Variants in ARSG observed in about 807,000 individuals in gnomAD.
ARSG encodes the protein ASG.
ARSG carries 37 observed loss-of-function variants against 50.5 expected under a neutral mutation model. The ratio of observed to expected loss-of-function variants is 0.73; its 90% CI spans 0.56 to 0.96. The LOEUF (loss-of-function observed/expected upper bound fraction) is 0.96, where lower values mean the gene tolerates loss of function less well. Among genes scored for constraint, ARSG ranks in the 50% least tolerant of loss-of-function variants. The probability of loss-of-function intolerance (pLI) is 0.00; values close to 1 mark genes in which losing one functional copy is unlikely to be tolerated. For missense variants in ARSG, 629 were observed against 675.3 expected (o/e 0.93, Z 0.76); for synonymous variants, 225 against 254.6 (o/e 0.88, Z 1.11).
intron 6 of ARSG, among the ~76,000 whole-genome samples, chr17:68,358,987 C>A (rs1380715128): frequency 6.6e-6 from 1 of 152,048 alleles, no homozygotes; most frequent in Non-Finnish European, 1.5e-5. Context: ...CACGATGAAA[C>A]CCCGTCTCTA....
intron 2 of ARSG, among the ~76,000 whole-genome samples, chr17:68,340,505 C>T (rs1290750887): frequency 2.6e-5 from 4 of 152,084 alleles, no homozygotes; most frequent in Admixed American, 6.6e-5. Flanking sequence ...AGGCTGGTCT[C>T]GAACTCCTGG....
rs139160747 is a variant in ARSG at position 68,286,400 on chromosome 17, G to A, written c.-551-20543G>A. ...AAAATCTTACTCATTTTGTAAAATC[G>A]GGAAACTGATCCCCAAGAGGTGAAG... is the stretch of plus-strand genomic sequence containing the variant. On this transcript the variant is annotated intron_variant, in intron 1 of 11. Coordinates refer to the ARSG transcript ENST00000448504. Among the ~76,000 whole-genome samples the A allele has an allele frequency of 3.9e-3, 590 of 152,236 alleles. 4 individuals are homozygous for A. The highest frequency in any genetic ancestry group is 4.6e-3 in the Non-Finnish European group (311 of 68,012).
chr17:68,278,183 A>G (rs782516882), intron 1 of ARSG: 4 of 1,614,186 alleles, frequency 2.5e-6, no homozygotes, highest in Non-Finnish European at 3.4e-6. Context: ...TAAAGAAGAC[A>G]CCAAATGTCT....
At chr17:68,424,464 T>C (rs192867879), downstream of ARSG, 5 of 534,794 alleles carry the variant, frequency 9.3e-6, no homozygotes, top group Non-Finnish European at 1.9e-5. Flanking sequence ...GGAAGCTCAA[T>C]GGACACAAAA....
intron 11 of ARSG, among the ~76,000 whole-genome samples, chr17:68,406,687 G>T (rs9900789): frequency 1.3e-5 from 2 of 152,122 alleles, no homozygotes; most frequent in Non-Finnish European, 2.9e-5. Flanking sequence ...TTTGAGGCTT[G>T]TCTATTCATG....
intron 10 of ARSG, 199 bp from the exon 11 acceptor site, chr17:68,401,161 C>T (rs2081453507): frequency 3.6e-6 from 2 of 554,212 alleles, no homozygotes; most frequent in Non-Finnish European, 3.2e-6. Context: ...TAGCTAGGAC[C>T]ACAGGTGTGC....
chr17:68,339,233 G>A (rs887268524), intron 2 of ARSG, among the ~76,000 whole-genome samples: 3 of 152,134 alleles, frequency 2.0e-5, no homozygotes, highest in African/African-American at 7.2e-5. Context: ...GGGAGGTGGA[G>A]GTTGCAGTGA....
At chr17:68,261,574 T>C (rs1274812147) in intron 1 of ARSG, among the ~76,000 whole-genome samples, 1 of 152,038 alleles carries the variant, frequency 6.6e-6, no homozygotes, top group Non-Finnish European at 1.5e-5. Flanking sequence ...GAGAGGGGTT[T>C]TACCATGTTG....
At chr17:68,380,643 T>C (rs539923813) in intron 8 of ARSG, among the ~76,000 whole-genome samples, 28 of 152,326 alleles carry the variant, frequency 1.8e-4, no homozygotes, top group African/African-American at 6.3e-4. Context: ...ACATGTAACA[T>C]ACTAAATGTG....
chr17:68,331,257 CT>C, intron 2 of ARSG, among the ~76,000 whole-genome samples: 1 of 135,276 alleles, frequency 7.4e-6, no homozygotes, highest in Admixed American at 7.5e-5. Flanking sequence ...TTCTTTCTTT[CT>C]TTCTTTTTTT....
At chr17:68,312,511 T>G (rs1555767120) in intron 2 of ARSG, among the ~76,000 whole-genome samples, 1 of 149,724 alleles carries the variant, frequency 6.7e-6, no homozygotes. Flanking sequence ...GGCCTACACG[T>G]TTTTTTTTTC....
intron 10 of ARSG, among the ~76,000 whole-genome samples, chr17:68,396,770 G>C (rs80204451): frequency 0.09 from 13,699 of 152,168 alleles, 1,505 homozygotes; most frequent in African/African-American, 0.26. Flanking sequence ...CAGTTTTTAG[G>C]GGTTGTTGGA....
chr17:68,428,946 A>G, the ARSG span: 1 of 1,606,530 alleles, frequency 6.2e-7, no homozygotes, highest in African/African-American at 1.3e-5. Flanking sequence ...CCTAAGGGCC[A>G]AGGAAAACAT....
intron 10 of ARSG, 85 bp from the exon 11 acceptor site, chr17:68,401,275 G>C (rs2081457977): frequency 8.2e-7 from 1 of 1,214,054 alleles, no homozygotes; most frequent in South Asian, 1.3e-5. Flanking sequence ...CTCCTGCCTC[G>C]ACCTCCCAAG....
At chr17:68,295,671 ATTTTTTTTTTT>A (rs56840354) in intron 1 of ARSG, among the ~76,000 whole-genome samples, 3 of 114,540 alleles carry the variant, frequency 2.6e-5, no homozygotes, top group African/African-American at 4.2e-5. Flanking sequence ...TCTAAGACAA[ATTTTTTTTTTT>A]TTTTTTTTTT....
At chr17:68,319,612 A>T (rs1040289119) in intron 2 of ARSG, among the ~76,000 whole-genome samples, 1 of 152,192 alleles carries the variant, frequency 6.6e-6, no homozygotes. Flanking sequence ...AGCCTGTCCA[A>T]TTGCTATTAA....
rs1568506997 is a variant in ARSG at position 68,352,153 on chromosome 17, GAGAGAGAGAC to G, written c.566+477_566+486del. Among the ~76,000 whole-genome samples the G allele has an allele frequency of 2.5e-3, 193 of 76,782 alleles. 8 individuals carry two copies. The highest frequency in any genetic ancestry group is 5.3e-3 in the African/African-American group (149 of 28,182). The allele number at this position is 76,782 out of a possible 152,430, so 50.4% of individuals were successfully genotyped here. Reference sequence around the variant, plus strand: ...GAGAGAGAGACAGAGGAGAGAGAGAGAGAGAGAGACAGAGAGAGAGAGAGAGAGAGACAGA... The same window carrying G: ...GAGAGAGAGACAGAGGAGAGAGAGAGAGAGAGAGAGAGAGAGAGAGACAGA... On this transcript the variant is annotated intron_variant, in intron 5 of 11. Coordinates refer to ENST00000621439, the MANE Select transcript of ARSG (RefSeq NM_001267727.2).
At chr17:68,389,798 C>A (rs928009224) in intron 9 of ARSG, among the ~76,000 whole-genome samples, 9 of 152,110 alleles carry the variant, frequency 5.9e-5, no homozygotes, top group Non-Finnish European at 1.5e-5. Flanking sequence ...GCTTCTCTGT[C>A]CCCTGCCTTC....
In ARSG at chr17:68,271,187, C is replaced by G. The variant is rs1555748512; in HGVS notation, c.-552+11761C>G. 1 of 1,614,012 alleles carries G rather than the reference C, an allele frequency of 6.2e-7. No individual in the cohort carries two copies. The highest frequency in any genetic ancestry group is 1.3e-5 in the African/African-American group (1 of 75,058). ...AATAAAAAAGCAGCGCGGTCCTGGT[C>G]AATGCCCAGACTAATGCCCAGAGGA... On this transcript the variant is annotated intron_variant, in intron 1 of 11. Coordinates refer to the ARSG transcript ENST00000448504. This position sits in a 1 kb window ranked among gnomAD's most constrained non-coding sequence, Gnocchi z 5.3.
Sources: allele counts gnomAD v4.1 joint callset (sites outside exome capture counted in the v4.1 genomes callset), GRCh38; gene constraint gnomAD v4.1.1; non-coding constraint Gnocchi (gnomAD v3.1); transcripts MANE v1.5; gene names NCBI Gene and HGNC (gene_info 2026-07-23, HGNC 2026-07-21).